Variants in GATAD2A observed in about 807,000 individuals in gnomAD.
GATAD2A encodes the protein transcriptional repressor p66-alpha.
Under a neutral mutation model 68.5 loss-of-function variants are expected in GATAD2A, and 12 were observed. That is an observed-to-expected ratio of 0.18 (90% CI 0.11 to 0.28). GATAD2A has a LOEUF of 0.28. Among genes scored for constraint, GATAD2A ranks in the 10% least tolerant of loss-of-function variants. GATAD2A has a pLI of 1.00. For missense variants in GATAD2A, 755 were observed against 868.5 expected (o/e 0.87, Z 1.64); for synonymous variants, 410 against 375.3 (o/e 1.09, Z -1.07).
At chr19:19,471,191 G>A (rs536447405) in intron 2 of GATAD2A, among the ~76,000 whole-genome samples, 33 of 151,360 alleles carry the variant, frequency 2.2e-4, no homozygotes, top group African/African-American at 8.0e-4. Flanking sequence ...GGGAGGCAGA[G>A]GTTACAGTGA....
chr19:19,392,050 C>T (rs571022727), intron 1 of GATAD2A, among the ~76,000 whole-genome samples: 20 of 145,798 alleles, frequency 1.4e-4, no homozygotes, highest in Non-Finnish European at 2.1e-4. Flanking sequence ...TTTGTTTATA[C>T]TGGTGTGTCT....
chr19:19,450,941 T>G (rs934519440), intron 1 of GATAD2A, among the ~76,000 whole-genome samples: 3 of 151,724 alleles, frequency 2.0e-5, no homozygotes, highest in Admixed American at 6.6e-5. Flanking sequence ...CAGCTAATTT[T>G]TTGTATTTTT....
chr19:19,478,786 G>T (rs896936326), intron 2 of GATAD2A, among the ~76,000 whole-genome samples: 2 of 146,190 alleles, frequency 1.4e-5, no homozygotes, highest in Non-Finnish European at 3.0e-5. Context: ...CTCCAGGCTG[G>T]ACAACCTGAG....
intron 2 of GATAD2A, chr19:19,474,251 G>A (rs2058517803): frequency 6.9e-6 from 5 of 727,526 alleles, no homozygotes; most frequent in South Asian, 6.2e-5. Context: ...CCCCAACCCC[G>A]ACAACCACGT....
intron 1 of GATAD2A, among the ~76,000 whole-genome samples, chr19:19,449,047 A>G (rs1199883888): frequency 6.6e-6 from 1 of 152,142 alleles, no homozygotes; most frequent in African/African-American, 2.4e-5. Context: ...TGTCTCTGGA[A>G]GATGGCATAA....
chr19:19,402,987 G>C (rs1216687499), upstream of GATAD2A, among the ~76,000 whole-genome samples: 2 of 151,872 alleles, frequency 1.3e-5, no homozygotes, highest in Admixed American at 6.6e-5. Context: ...TGACCACGAT[G>C]GTCTGGAACT....
intron 1 of GATAD2A, among the ~76,000 whole-genome samples, chr19:19,456,333 C>G (rs1164841593): frequency 6.6e-6 from 1 of 152,164 alleles, no homozygotes; most frequent in Non-Finnish European, 1.5e-5. Flanking sequence ...CACCCTATCC[C>G]TTTCCGGGGT....
At chr19:19,438,680 A>G (rs2147593541) in intron 1 of GATAD2A, among the ~76,000 whole-genome samples, 1 of 152,356 alleles carries the variant, frequency 6.6e-6, no homozygotes, top group African/African-American at 2.4e-5. Context: ...ACCCAGCCAT[A>G]GCATTCAGGC....
chr19:19,389,594 A>G (rs2048699834), intron 1 of GATAD2A, among the ~76,000 whole-genome samples: 1 of 152,282 alleles, frequency 6.6e-6, no homozygotes, highest in East Asian at 1.9e-4. Context: ...GGCTAAGTCA[A>G]GTCCAGGCAG....
chr19:19,502,179 CTG>C, intron 10 of GATAD2A, 136 bp downstream of exon 10: 1 of 863,922 alleles, frequency 1.2e-6, no homozygotes, highest in Non-Finnish European at 1.8e-6. Flanking sequence ...CCCCACCCCT[CTG>C]TGTAACTTAC....
At chr19:19,487,400 G>A (rs2059510989) in intron 2 of GATAD2A, among the ~76,000 whole-genome samples, 1 of 151,896 alleles carries the variant, frequency 6.6e-6, no homozygotes, top group Admixed American at 6.6e-5. Context: ...ATGTCACCCT[G>A]CAAGGCAGGG....
chr19:19,505,272 GCT>G, intron 11 of GATAD2A, 70 bp from the exon 12 acceptor site: 1 of 1,491,820 alleles, frequency 6.7e-7, no homozygotes. Flanking sequence ...GGTCTAGGCA[GCT>G]ATGGCTGGGC....
chr19:19,408,701 G>A (rs1439789198), intron 1 of GATAD2A, among the ~76,000 whole-genome samples: 1 of 152,112 alleles, frequency 6.6e-6, no homozygotes, highest in African/African-American at 2.4e-5. Context: ...CTGTGCCTTC[G>A]ACACTGCGAG....
intron 1 of GATAD2A, among the ~76,000 whole-genome samples, chr19:19,417,730 A>G (rs1169672574): frequency 6.6e-6 from 1 of 152,234 alleles, no homozygotes; most frequent in Non-Finnish European, 1.5e-5. Context: ...GGCCATTGAT[A>G]AAAGGCAGGC....
intron 1 of GATAD2A, among the ~76,000 whole-genome samples, chr19:19,392,263 T>C (rs1335755397): frequency 2.0e-5 from 3 of 151,764 alleles, no homozygotes; most frequent in African/African-American, 7.3e-5. Flanking sequence ...TTTTGTATTT[T>C]TGTAGAGACA....
intron 1 of GATAD2A, among the ~76,000 whole-genome samples, chr19:19,453,163 G>C (rs1447606382): frequency 6.6e-6 from 1 of 152,188 alleles, no homozygotes; most frequent in Non-Finnish European, 1.5e-5. Context: ...CCCCAGGCTG[G>C]GCTTATGCCC....
chr19:19,456,508 T>C (rs934318798), intron 1 of GATAD2A, among the ~76,000 whole-genome samples: 1 of 152,216 alleles, frequency 6.6e-6, no homozygotes, highest in Non-Finnish European at 1.5e-5. Context: ...TTGCTTGGGC[T>C]CCTATCTTAC....
intron 1 of GATAD2A, among the ~76,000 whole-genome samples, chr19:19,425,408 G>C (rs968851248): frequency 6.6e-6 from 1 of 152,122 alleles, no homozygotes; most frequent in Non-Finnish European, 1.5e-5. Flanking sequence ...AGAGGACTCT[G>C]TGCTTTGTGG....
At chr19:19,387,209 G>GA (rs2048498270) in intron 1 of GATAD2A, among the ~76,000 whole-genome samples, 1 of 151,534 alleles carries the variant, frequency 6.6e-6, no homozygotes, top group African/African-American at 2.4e-5. Context: ...TTCCCCGGGG[G>GA]ACCCCTCTTT....
Sources: gnomAD v4.1 joint callset for allele counts (sites outside exome capture counted in the v4.1 genomes callset) on GRCh38, gnomAD v4.1.1 for gene constraint, MANE v1.5 for transcripts, NCBI Gene and HGNC (gene_info 2026-07-23, HGNC 2026-07-21) for gene names.